Variants in ARFGEF3 observed in about 807,000 individuals in gnomAD.
ARFGEF3 encodes the protein ARFGEF family member 3.
ARFGEF3 carries 96 observed loss-of-function variants against 221.7 expected under a neutral mutation model. The ratio of observed to expected loss-of-function variants is 0.43; its 90% confidence interval spans 0.37 to 0.51. The LOEUF (loss-of-function observed/expected upper bound fraction) is 0.51. Among genes scored for constraint, ARFGEF3 ranks in the 20% least tolerant of loss-of-function variants. The pLI, the probability that ARFGEF3 is intolerant of heterozygous loss-of-function variation, is 0.00. For missense variants in ARFGEF3, 2,410 were observed against 2,789.9 expected (o/e 0.86, Z 3.07); for synonymous variants, 1,145 against 1,126.8 (o/e 1.02, Z -0.32).
chr6:138,324,380 C>T (rs575058686), intron 31 of ARFGEF3, among the ~76,000 whole-genome samples: 1 of 152,278 alleles, frequency 6.6e-6, no homozygotes, highest in Non-Finnish European at 1.5e-5. Flanking sequence ...CTCCAGTGCC[C>T]AGATCAAATA....
chr6:138,306,499 AG>A (rs1451099819), intron 22 of ARFGEF3, among the ~76,000 whole-genome samples: 1 of 152,218 alleles, frequency 6.6e-6, no homozygotes, highest in Non-Finnish European at 1.5e-5. Context: ...AACAGAATAG[AG>A]AAAACAAACT....
chr6:138,182,065 C>T (rs1158988212), intron 2 of ARFGEF3, among the ~76,000 whole-genome samples: 1 of 152,040 alleles, frequency 6.6e-6, no homozygotes, highest in Non-Finnish European at 1.5e-5. Context: ...TTCTTGGAAA[C>T]CTTTGTTTCC....
chr6:138,190,361 G>A (rs1338066522), intron 2 of ARFGEF3, among the ~76,000 whole-genome samples: 1 of 151,878 alleles, frequency 6.6e-6, no homozygotes, highest in African/African-American at 2.4e-5. Flanking sequence ...GAAGTGTGGA[G>A]CAGGGTGGCA....
chr6:138,263,684 T>C, intron 12 of ARFGEF3, 73 bp downstream of exon 12: 1 of 1,328,918 alleles, frequency 7.5e-7, no homozygotes, highest in Non-Finnish European at 1.0e-6. Flanking sequence ...GCAATTACTA[T>C]CATGCTTATA....
intron 1 of ARFGEF3, among the ~76,000 whole-genome samples, chr6:138,165,354 C>A (rs2114418555): frequency 6.7e-6 from 1 of 149,466 alleles, no homozygotes; most frequent in South Asian, 2.1e-4. Context: ...CAGGGATCAT[C>A]CCCCTCTGAG....
intron 31 of ARFGEF3, 58 bp from the exon 32 acceptor site, chr6:138,327,963 T>C (rs977060247): frequency 2.1e-6 from 3 of 1,457,628 alleles, no homozygotes; most frequent in African/African-American, 2.8e-5. Context: ...AGCTGATCCC[T>C]GACAGGTCAA....
At position 138,262,794 on chromosome 6, in the gene ARFGEF3, G is replaced by C; in HGVS notation, c.1311G>C (p.Leu437=). The change falls in exon 12 of 34, where the codon CTG becomes CTC. Residue 437 remains leucine (L), a synonymous_variant. Coordinates refer to ENST00000251691, the MANE Select transcript of ARFGEF3 (RefSeq NM_020340.5). ...GTGTCTGCACCTTGCTGGGTGCCCT[G>C]GATGAGCTCAGCCAGGGGAAGGGCT... ...VSCVCTLLGA[L]DELSQGKGLS... is the part of the protein sequence containing the mutation. 6.2e-7 allele frequency: 1 copy of C among 1,614,024 alleles called. No homozygotes were observed. The highest frequency in any genetic ancestry group is 8.5e-7 in the Non-Finnish European group (1 of 1,179,884).
chr6:138,237,513 AT>A (rs58059485), intron 5 of ARFGEF3, among the ~76,000 whole-genome samples: 3 of 151,586 alleles, frequency 2.0e-5, no homozygotes, highest in African/African-American at 7.3e-5. Context: ...CAAATGAGGG[AT>A]TTTTTTTTCT....
chr6:138,313,980 T>C, intron 26 of ARFGEF3, 41 bp downstream of exon 26: 2 of 1,597,894 alleles, frequency 1.3e-6, no homozygotes, highest in Non-Finnish European at 1.7e-6. Flanking sequence ...ATTTGCTGTG[T>C]TCATATTCCC....
chr6:138,261,630 T>C lies in ARFGEF3; in HGVS notation c.1208T>C (p.Leu403Pro), dbSNP rs757650621. The stretch of plus-strand genomic sequence containing the variant: ...TCAAAAAGAAAGTCTCATCTGGATC[T>C]CCTCAAACTGTATGATGTTTATCCT... ...SISKRKSHLDLLKLIMDGMTE... is the reference protein window; with the variant it reads ...SISKRKSHLDPLKLIMDGMTE... The change falls in exon 11 of 34, where the codon CTC becomes CCC. Residue 403 changes from leucine to proline, a missense_variant. Physicochemically the swap from Leu to Pro is moderately conservative, Grantham distance 98. Coordinates refer to ENST00000251691, the MANE Select transcript of ARFGEF3 (RefSeq NM_020340.5). The C allele has an allele frequency of 1.9e-6, 3 of 1,545,006 alleles. No homozygotes were observed. Among genetic ancestry groups the C allele is most frequent in the Non-Finnish European group, 2.6e-6 (3 of 1,138,520 alleles).
At chr6:138,308,544 C>T (rs1156549378) in intron 23 of ARFGEF3, among the ~76,000 whole-genome samples, 195 bp from the exon 24 acceptor site, 1 of 152,078 alleles carries the variant, frequency 6.6e-6, no homozygotes, top group Non-Finnish European at 1.5e-5. Flanking sequence ...ATCTCTCTGC[C>T]GAGCTGCTCC....
Position 138,229,786 on chromosome 6 carries a change from T to C in ARFGEF3, c.354T>C (p.Val118=). The change falls in exon 5 of 34, where the codon GTT becomes GTC. Residue 118 remains valine, a splice_region_variant and synonymous_variant. Coordinates refer to ENST00000251691, the MANE Select transcript of ARFGEF3 (RefSeq NM_020340.5). ...TTTCATCTCTCACCTTGTTAAAGGT[T>C]TTACTATGCATCACCTACACGCCAA... ...NEDLQVEVMK[V]LLCITYTPTF... 1 of 1,613,134 alleles carries C rather than the reference T, an allele frequency of 6.2e-7. No individual in the cohort carries two copies. The highest frequency in any genetic ancestry group is 8.5e-7 in the Non-Finnish European group (1 of 1,179,182).
rs113232058 is a variant in ARFGEF3 at position 138,225,579 on chromosome 6, T to C, written c.352-4205T>C. 3.9e-5 allele frequency among the ~76,000 whole-genome samples: 6 copies of C among 152,360 alleles called. 1 individual carries two copies. The highest frequency in any genetic ancestry group is 1.4e-4 in the African/African-American group (6 of 41,582). ...CAATAGACGGTGCGAGTTTTTTTGA[T>C]GTCAAAGACTGTGCTTCCTTTATGT... On this transcript the variant is annotated intron_variant, in intron 4 of 33. Transcript: ENST00000251691.
At chr6:138,336,183 A>T in intron 33 of ARFGEF3, 112 bp from the exon 34 acceptor site, 1 of 742,440 alleles carries the variant, frequency 1.3e-6, no homozygotes, top group Non-Finnish European at 2.1e-6. Context: ...AAACTAATTT[A>T]TTGCAACTAA....
chr6:138,328,625 A>G (rs947732487), intron 32 of ARFGEF3, among the ~76,000 whole-genome samples: 1 of 152,186 alleles, frequency 6.6e-6, no homozygotes, highest in African/African-American at 2.4e-5. Context: ...ATATAGTCAC[A>G]TTCTGAGGTA....
intron 4 of ARFGEF3, chr6:138,217,769 A>AT: frequency 5.0e-6 from 3 of 597,154 alleles, no homozygotes; most frequent in Non-Finnish European, 7.7e-6. Context: ...CTAAATTGAG[A>AT]TAATAGATAA....
chr6:138,313,663 G>A (rs1583062709), intron 25 of ARFGEF3, 132 bp from the exon 26 acceptor site: 8 of 744,626 alleles, frequency 1.1e-5, no homozygotes, highest in East Asian at 2.7e-5. Flanking sequence ...TCCAAATCAC[G>A]AATAATCAAA....
At chr6:138,222,210 C>T (rs1234400093) in intron 4 of ARFGEF3, among the ~76,000 whole-genome samples, 2 of 152,126 alleles carry the variant, frequency 1.3e-5, no homozygotes, top group Non-Finnish European at 1.5e-5. Flanking sequence ...AGAATTGTCT[C>T]AGGCCACACA....
chr6:138,259,333 G>A (rs1778744840), intron 10 of ARFGEF3, among the ~76,000 whole-genome samples: 1 of 152,190 alleles, frequency 6.6e-6, no homozygotes, highest in Admixed American at 6.5e-5. Context: ...TGTTGATCAA[G>A]GACATACAGG....
Sources: gnomAD v4.1 joint callset for allele counts (sites outside exome capture counted in the v4.1 genomes callset) on GRCh38, gnomAD v4.1.1 for gene constraint, MANE v1.5 for transcripts, NCBI Gene and HGNC (gene_info 2026-07-23, HGNC 2026-07-21) for gene names.